ATAD2B: variants seen among roughly 807,000 people sequenced by gnomAD.
ATAD2B encodes the protein ATPase family AAA domain-containing protein 2B.
In ATAD2B, 40 loss-of-function variants were observed where a neutral mutation model predicts 167.6. The ratio of observed to expected loss-of-function variants is 0.24; its 90% CI spans 0.19 to 0.31. The LOEUF is 0.31. Among genes scored for constraint, ATAD2B ranks in the 10% least tolerant of loss-of-function variants. The probability of loss-of-function intolerance (pLI) is 1.00; values close to 1 mark genes in which losing one functional copy is unlikely to be tolerated. For synonymous variants in ATAD2B, 579 were observed against 596.5 expected, an observed-to-expected ratio of 0.97 and a Z score of 0.43; for missense variants, 1,242 against 1,757.2, an observed-to-expected ratio of 0.71 and a Z score of 5.24.
chr2:23,891,019 GA>G lies in ATAD2B; in HGVS notation c.369-2621del, dbSNP rs377720110. 4.2e-4 allele frequency among the ~76,000 whole-genome samples: 57 copies of G among 135,490 alleles called. 1 individual carries two copies. The East Asian group carries it at 8.1e-3, about 19-fold the overall frequency. 88.9% of individuals were successfully genotyped at this position (135,490 alleles called of 152,430 possible). On this transcript the variant is annotated intron_variant, in intron 2 of 27. Transcript: ENST00000238789. ...TATATTAAAAGATTTAATATACTGA[GA>G]TTTTTTTTTTTTTTTTTTGAGGTGG...
At chr2:23,832,123 G>GA (rs1689158589) in intron 14 of ATAD2B, 1 of 421,116 alleles carries the variant, frequency 2.4e-6, no homozygotes, top group African/African-American at 2.1e-5. Flanking sequence ...AGCAACACGT[G>GA]ACATGGTTAA....
chr2:23,834,152 CTTTTTTTTTTT>C (rs11378615), intron 13 of ATAD2B, 74 bp from the exon 14 acceptor site: 5 of 119,616 alleles, frequency 4.2e-5, no homozygotes, highest in Middle Eastern at 2.0e-3. Context: ...ATCAGTCTTT[CTTTTTTTTTTT>C]TTTTTTTTTT....
At chr2:23,766,413 G>C (rs1033664668) in intron 22 of ATAD2B, among the ~76,000 whole-genome samples, 1 of 152,196 alleles carries the variant, frequency 6.6e-6, no homozygotes, top group Non-Finnish European at 1.5e-5. Flanking sequence ...AACAACATTT[G>C]CTTTTTCCTC....
rs1685366362 is a variant in ATAD2B, at chr2:23,810,396, C to G, written c.2374G>C (p.Glu792Gln). The change falls in exon 18 of 28, where the codon GAA becomes CAA. Residue 792 changes from glutamate (E) to glutamine (Q), a missense_variant. Around this residue, in one of 9 missense-constraint regions of ATAD2B, gnomAD observed 145 missense variants for 181.9 expected, o/e 0.80. Coordinates refer to ENST00000238789, the MANE Select transcript of ATAD2B (RefSeq NM_017552.4). ...TCTAGTCTATGCACAGAGAATCTTTCTAGAGTGTGCAAAAGTGCTGGAGCA... is the reference window on the plus strand; with the variant it reads ...TCTAGTCTATGCACAGAGAATCTTTGTAGAGTGTGCAAAAGTGCTGGAGCA... ...HLAPALLHTL[E>Q]RFSVHRLDLP... 1 of 1,613,842 alleles carries G rather than the reference C, an allele frequency of 6.2e-7. No individual in the cohort carries two copies. Among genetic ancestry groups the G allele is most frequent in the Non-Finnish European group, 8.5e-7 (1 of 1,179,792 alleles).
At chr2:23,840,762 A>T (rs1274201326) in intron 13 of ATAD2B, among the ~76,000 whole-genome samples, 1 of 152,128 alleles carries the variant, frequency 6.6e-6, no homozygotes, top group Non-Finnish European at 1.5e-5. Context: ...GCATTAAATG[A>T]TTTTTTTGCT....
intron 15 of ATAD2B, among the ~76,000 whole-genome samples, chr2:23,824,807 C>T (rs1257707962): frequency 6.6e-6 from 1 of 152,196 alleles, no homozygotes; most frequent in African/African-American, 2.4e-5. Flanking sequence ...AAAGCTCAAA[C>T]TAGCCATATT....
At chr2:23,755,028 C>T (rs1675790609) in intron 25 of ATAD2B, 1 of 273,362 alleles carries the variant, frequency 3.7e-6, no homozygotes, top group African/African-American at 2.2e-5. Flanking sequence ...ATAAGCATAT[C>T]CACTAAAAGG....
intron 19 of ATAD2B, among the ~76,000 whole-genome samples, chr2:23,795,070 G>T (rs1438828103): frequency 6.6e-6 from 1 of 151,962 alleles, no homozygotes; most frequent in Non-Finnish European, 1.5e-5. Context: ...AAATAGAGCA[G>T]GAAAACTTCC....
chr2:23,776,273 G>A (rs1679116636), intron 22 of ATAD2B, among the ~76,000 whole-genome samples: 1 of 152,104 alleles, frequency 6.6e-6, no homozygotes, highest in Non-Finnish European at 1.5e-5. Context: ...CAAAACCTCA[G>A]GGATCATTCT....
chr2:23,895,124 A>T (rs915583862), intron 2 of ATAD2B, among the ~76,000 whole-genome samples: 2 of 152,196 alleles, frequency 1.3e-5, no homozygotes, highest in Admixed American at 1.3e-4. Context: ...AAGAGTTTAA[A>T]GAACCCTTTA....
intron 2 of ATAD2B, among the ~76,000 whole-genome samples, chr2:23,892,523 G>A (rs959428623): frequency 2.0e-5 from 3 of 149,348 alleles, no homozygotes; most frequent in Non-Finnish European, 3.0e-5. Context: ...CCAGGCTAGA[G>A]TGCAGTGGTA....
the ATAD2B span, among the ~76,000 whole-genome samples, chr2:23,730,701 T>C: frequency 3.1e-5 from 2 of 65,186 alleles, no homozygotes; most frequent in East Asian, 9.0e-4. Flanking sequence ...GGAAAGAAAA[T>C]ACAACATGTC....
intron 17 of ATAD2B, among the ~76,000 whole-genome samples, chr2:23,818,692 A>G (rs1444583758): frequency 6.6e-6 from 1 of 152,232 alleles, no homozygotes; most frequent in East Asian, 1.9e-4. Context: ...AGTACACACA[A>G]TCCGGCCTCT....
At chr2:23,789,618 T>A (rs1332401415) in intron 19 of ATAD2B, among the ~76,000 whole-genome samples, 1 of 152,176 alleles carries the variant, frequency 6.6e-6, no homozygotes, top group Non-Finnish European at 1.5e-5. Context: ...TGTGAAAATA[T>A]GGATTAGAAT....
the ATAD2B span, among the ~76,000 whole-genome samples, chr2:23,704,238 G>A: frequency 6.6e-6 from 1 of 152,240 alleles, no homozygotes; most frequent in Non-Finnish European, 1.5e-5. Context: ...AGGGACAAGT[G>A]ACTTCTTGGG....
the ATAD2B span, among the ~76,000 whole-genome samples, chr2:23,684,875 T>C: frequency 1.3e-5 from 2 of 152,286 alleles, no homozygotes; most frequent in African/African-American, 4.8e-5. The surrounding 1 kb of genome is among the most constrained non-coding windows in gnomAD (Gnocchi z 4.4). Context: ...TAGGGGGGAC[T>C]GTAGGCTCCA....
the ATAD2B span, among the ~76,000 whole-genome samples, chr2:23,712,695 C>A: frequency 6.6e-6 from 1 of 152,118 alleles, no homozygotes; most frequent in Non-Finnish European, 1.5e-5. Context: ...TCCAAGAAGC[C>A]TGCTGTTTTC....
the ATAD2B span, chr2:23,693,300 C>T: frequency 3.4e-5 from 53 of 1,545,612 alleles, no homozygotes; most frequent in Admixed American, 7.9e-5. Context: ...ACTGCCTGGG[C>T]GTGCTGGCCA....
chr2:23,704,276 T>C, the ATAD2B span, among the ~76,000 whole-genome samples: 7 of 152,312 alleles, frequency 4.6e-5, no homozygotes, highest in South Asian at 1.5e-3. Context: ...TGAACGATCC[T>C]GATGGCTTTG....
Sources: allele counts gnomAD v4.1 joint callset (sites outside exome capture counted in the v4.1 genomes callset), GRCh38; gene constraint gnomAD v4.1.1; regional missense constraint gnomAD v4.1.1; non-coding constraint Gnocchi (gnomAD v3.1); transcripts MANE v1.5; gene names NCBI Gene and HGNC (gene_info 2026-07-23, HGNC 2026-07-21).